The following CCDC148 variants were observed in gnomAD, a reference collection of about 807,000 sequenced individuals.
The protein encoded by CCDC148 is coiled-coil domain-containing protein 148.
A neutral mutation model predicts 85.7 loss-of-function variants in CCDC148; 89 were observed. The observed-to-expected ratio is 1.04, with a 90% CI of 0.87 to 1.24. CCDC148 has a LOEUF of 1.24. Among genes scored for constraint, CCDC148 ranks in the 50% most tolerant of loss-of-function variants. The probability of loss-of-function intolerance (pLI) is 0.00; values close to 1 mark genes in which losing one functional copy is unlikely to be tolerated. For synonymous variants in CCDC148, 230 were observed against 213.9 expected (o/e 1.08, Z -0.66); for missense variants, 692 against 671.7 (o/e 1.03, Z -0.33).
At chr2:158,286,822 A>G (rs1690648381) in intron 9 of CCDC148, among the ~76,000 whole-genome samples, 1 of 152,242 alleles carries the variant, frequency 6.6e-6, no homozygotes, top group Non-Finnish European at 1.5e-5. Context: ...TACCATTAAA[A>G]AAAACAAGTC....
At chr2:158,333,534 C>T (rs1017305180) in intron 7 of CCDC148, among the ~76,000 whole-genome samples, 13 of 152,042 alleles carry the variant, frequency 8.6e-5, no homozygotes, top group African/African-American at 3.1e-4. Context: ...CTATTAGGTC[C>T]GTTTGGTCCT....
chr2:158,449,582 G>A (rs1688312068), intron 1 of CCDC148, among the ~76,000 whole-genome samples: 1 of 152,036 alleles, frequency 6.6e-6, no homozygotes, highest in African/African-American at 2.4e-5. Context: ...TCGAGTAGCT[G>A]GCACTATAGG....
chr2:158,353,468 A>C (rs1683438226), intron 2 of CCDC148, among the ~76,000 whole-genome samples: 1 of 142,700 alleles, frequency 7.0e-6, no homozygotes, highest in Admixed American at 6.9e-5. Flanking sequence ...CAAAGATCAA[A>C]AGAGACAAAG....
chr2:158,207,366 C>T (rs1686304526), intron 11 of CCDC148: 1 of 152,152 alleles, frequency 6.6e-6, no homozygotes, highest in African/African-American at 2.4e-5. Context: ...ATATATGGTG[C>T]TATTTCTCAC....
chr2:158,309,505 T>C lies in CCDC148; in HGVS notation c.1038A>G (p.Thr346=), dbSNP rs749835380. The change falls in exon 9 of 14, where the codon ACA becomes ACG. Residue 346 remains threonine (T), a synonymous_variant. Transcript: ENST00000283233. ...TAGCCAACATGCTCTCCATTTCATG[T>C]GTTGCACAAGCCTCAGTGAGTGTCA... ...AVLTLTEACA[T]HEMESMLAKD... 9.3e-6 allele frequency: 15 copies of C among 1,614,090 alleles called. No individual in the cohort carries two copies. The African/African-American group carries it at 1.7e-4, about 19-fold the overall frequency.
At chr2:158,338,137 T>C (rs906745719) in intron 7 of CCDC148, among the ~76,000 whole-genome samples, 1 of 152,114 alleles carries the variant, frequency 6.6e-6, no homozygotes, top group Non-Finnish European at 1.5e-5. Flanking sequence ...GTCATCTAAG[T>C]GAATTTTAAC....
intron 2 of CCDC148, among the ~76,000 whole-genome samples, chr2:158,354,228 A>G (rs12477926): frequency 0.35 from 53,494 of 151,910 alleles, 11,299 homozygotes; most frequent in South Asian, 0.61. Flanking sequence ...AATGAAAATC[A>G]GAGCAGAACT....
chr2:158,244,319 C>G (rs1409095035), intron 10 of CCDC148, among the ~76,000 whole-genome samples: 1 of 152,120 alleles, frequency 6.6e-6, no homozygotes, highest in Non-Finnish European at 1.5e-5. Flanking sequence ...TAAAACAACA[C>G]TCACTTGCTA....
chr2:158,274,290 T>G (rs1689826102), intron 9 of CCDC148, among the ~76,000 whole-genome samples: 1 of 152,170 alleles, frequency 6.6e-6, no homozygotes, highest in Non-Finnish European at 1.5e-5. Flanking sequence ...CAGGTTTACA[T>G]TAAAGTATGA....
At chr2:158,292,133 A>G (rs1325862902) in intron 9 of CCDC148, among the ~76,000 whole-genome samples, 1 of 152,028 alleles carries the variant, frequency 6.6e-6, no homozygotes, top group Non-Finnish European at 1.5e-5. Flanking sequence ...TCTCTCATCC[A>G]CAAAAAGAAC....
chr2:158,314,278 T>C (rs1434878941), intron 7 of CCDC148, among the ~76,000 whole-genome samples: 5 of 152,218 alleles, frequency 3.3e-5, no homozygotes, highest in Non-Finnish European at 5.9e-5. Context: ...GGTTCCTATG[T>C]CTAAACTGGA....
Position 158,313,869 on chromosome 2 carries a change from G to C in CCDC148, c.790C>G (p.His264Asp). 6.2e-7 allele frequency: 1 copy of C among 1,612,852 alleles called. No individual in the cohort carries two copies. The highest frequency in any genetic ancestry group is 2.2e-5 in the East Asian group (1 of 44,798). Reference sequence around the variant, plus strand: ...TCCAAAATAGCCTGGTAAATCCAGTGGTCTTCTTCACTTAGTTGACAGTTT... The same window carrying C: ...TCCAAAATAGCCTGGTAAATCCAGTCGTCTTCTTCACTTAGTTGACAGTTT... ...YRNCQLSEED[H>D]WIYQAILDQY... Residue 264 changes from histidine to aspartate, a missense_variant, in exon 8 of 14, where the codon CAC becomes GAC. His to Asp is a moderately conservative substitution (Grantham distance 81). Transcript: ENST00000283233.
chr2:158,418,077 A>G (rs1018872765), intron 1 of CCDC148, among the ~76,000 whole-genome samples: 5 of 152,026 alleles, frequency 3.3e-5, no homozygotes, highest in African/African-American at 1.2e-4. Flanking sequence ...AAAACACCAT[A>G]AATGTAAAAA....
At chr2:158,297,101 C>T (rs1390312715) in intron 9 of CCDC148, among the ~76,000 whole-genome samples, 1 of 152,120 alleles carries the variant, frequency 6.6e-6, no homozygotes, top group African/African-American at 2.4e-5. Context: ...GCACAATTGA[C>T]CACACCAAAA....
At chr2:158,193,615 A>G (rs1685522313) in intron 11 of CCDC148, among the ~76,000 whole-genome samples, 1 of 152,074 alleles carries the variant, frequency 6.6e-6, no homozygotes, top group African/African-American at 2.4e-5. Context: ...AAAAAGCCAC[A>G]ATATTTTGAC....
intron 9 of CCDC148, among the ~76,000 whole-genome samples, chr2:158,281,715 C>A (rs530185905): frequency 2.2e-3 from 336 of 152,258 alleles, no homozygotes; most frequent in African/African-American, 7.3e-3. Context: ...GGAACTGGTA[C>A]CATTCCTTCT....
intron 2 of CCDC148, among the ~76,000 whole-genome samples, chr2:158,351,834 G>A (rs1683316621): frequency 6.6e-6 from 1 of 151,294 alleles, no homozygotes; most frequent in Admixed American, 6.6e-5. Flanking sequence ...CTGTCTGACA[G>A]CTTTGAAGAG....
chr2:158,279,763 G>A (rs978594541), intron 9 of CCDC148, among the ~76,000 whole-genome samples: 1 of 151,870 alleles, frequency 6.6e-6, no homozygotes, highest in Non-Finnish European at 1.5e-5. Context: ...TCAGATTCAG[G>A]AAATACAGAG....
intron 10 of CCDC148, among the ~76,000 whole-genome samples, chr2:158,232,343 T>C (rs1399610772): frequency 6.6e-6 from 1 of 152,138 alleles, no homozygotes; most frequent in African/African-American, 2.4e-5. Flanking sequence ...TGTCATGCTA[T>C]TTTTCAGTCT....
Sources: gnomAD v4.1 joint callset for allele counts (sites outside exome capture counted in the v4.1 genomes callset) on GRCh38, gnomAD v4.1.1 for gene constraint, MANE v1.5 for transcripts, NCBI Gene and HGNC (gene_info 2026-07-23, HGNC 2026-07-21) for gene names.